The following LRRFIP2 variants were observed in gnomAD, a reference collection of about 807,000 sequenced individuals.
LRRFIP2 encodes the protein LRR binding FLII interacting protein 2, also known as leucine-rich repeat flightless-interacting protein 2.
Under a neutral mutation model 125.9 loss-of-function variants are expected in LRRFIP2, and 109 were observed. The observed-to-expected ratio is 0.87, with a 90% confidence interval of 0.74 to 1.01. The LOEUF (loss-of-function observed/expected upper bound fraction) is 1.01. Among genes scored for constraint, LRRFIP2 ranks in the 50% least tolerant of loss-of-function variants. LRRFIP2 has a pLI of 0.00. For missense variants in LRRFIP2, 850 were observed against 862.3 expected (o/e 0.99, Z 0.18); for synonymous variants, 291 against 293.1 (o/e 0.99, Z 0.07).
intron 7 of LRRFIP2, among the ~76,000 whole-genome samples, chr3:37,113,918 G>C (rs1178836583): frequency 2.0e-5 from 3 of 152,070 alleles, no homozygotes; most frequent in Non-Finnish European, 4.4e-5. Context: ...GGAAATTAAG[G>C]CTAGCAATAC....
Position 37,072,897 on chromosome 3 carries a change from G to A in LRRFIP2, c.1372-15C>T. On this transcript the variant is annotated splice_polypyrimidine_tract_variant and intron_variant, in intron 20 of 27. Transcript: ENST00000336686. ...CGCTGCTTCTCCTGCAGAGGAAGAG[G>A]GGAAGAGAAGTAATAAAAGAGCAGA... The A allele has an allele frequency of 2.6e-6, 4 of 1,538,304 alleles. No individual in the cohort carries two copies. The highest frequency in any genetic ancestry group is 1.1e-5 in the South Asian group (1 of 87,270).
chr3:37,059,777 C>A (rs2087987157), intron 24 of LRRFIP2, among the ~76,000 whole-genome samples: 1 of 144,108 alleles, frequency 6.9e-6, no homozygotes, highest in African/African-American at 2.6e-5. Context: ...CAGAGCGAGA[C>A]TCTGTCTCAA....
At chr3:37,079,863 T>C (rs981694314) in intron 19 of LRRFIP2, among the ~76,000 whole-genome samples, 42 of 152,136 alleles carry the variant, frequency 2.8e-4, no homozygotes, top group Non-Finnish European at 5.4e-4. Flanking sequence ...CATATGAGTC[T>C]AGAATAGGGA....
chr3:37,144,619 C>T (rs1284643176), intron 2 of LRRFIP2, among the ~76,000 whole-genome samples: 1 of 152,152 alleles, frequency 6.6e-6, no homozygotes, highest in African/African-American at 2.4e-5. Flanking sequence ...CGAAAACACA[C>T]TCAAATGACT....
chr3:37,094,929 C>T (rs1164007661), intron 16 of LRRFIP2, 21 bp from the exon 17 acceptor site: 4 of 1,378,924 alleles, frequency 2.9e-6, no homozygotes, highest in Non-Finnish European at 4.1e-6. Flanking sequence ...AAATATGACC[C>T]TTCTAAGTCT....
chr3:37,094,658 T>G, intron 17 of LRRFIP2, 134 bp downstream of exon 17: 1 of 595,484 alleles, frequency 1.7e-6, no homozygotes, highest in Non-Finnish European at 3.0e-6. Flanking sequence ...GAGTCACACT[T>G]TTGTACAGTA....
chr3:37,081,936 A>G (rs2092681583), intron 19 of LRRFIP2, among the ~76,000 whole-genome samples: 1 of 151,704 alleles, frequency 6.6e-6, no homozygotes, highest in African/African-American at 2.4e-5. Context: ...AAACAACTCT[A>G]TGCATACTAA....
chr3:37,153,388 AAAAT>A (rs888336556), intron 1 of LRRFIP2, among the ~76,000 whole-genome samples: 1 of 152,146 alleles, frequency 6.6e-6, no homozygotes, highest in African/African-American at 2.4e-5. Context: ...CCTATCTCAA[AAAAT>A]AAATAAATAA....
intron 20 of LRRFIP2, among the ~76,000 whole-genome samples, chr3:37,074,054 G>C (rs772523533): frequency 6.6e-6 from 1 of 152,130 alleles, no homozygotes; most frequent in Non-Finnish European, 1.5e-5. Flanking sequence ...TTCTGAGTAT[G>C]TTCAATTATT....
chr3:37,117,131 A>G (rs1232485435), intron 6 of LRRFIP2, among the ~76,000 whole-genome samples: 5 of 151,706 alleles, frequency 3.3e-5, no homozygotes, highest in Admixed American at 3.3e-4. Context: ...TGTTTAAAAA[A>G]AAAAAAAAAA....
intron 4 of LRRFIP2, 117 bp from the exon 5 acceptor site, chr3:37,121,808 G>T: frequency 1.1e-6 from 1 of 923,172 alleles, no homozygotes; most frequent in Non-Finnish European, 1.7e-6. Context: ...GAGCAGGCAG[G>T]TTTGGATAAC....
At chr3:37,096,550 T>C in intron 16 of LRRFIP2, 66 bp downstream of exon 16, 1 of 975,864 alleles carries the variant, frequency 1.0e-6, no homozygotes, top group South Asian at 1.4e-5. Flanking sequence ...AAATAAATAA[T>C]GAACAAGTTA....
At chr3:37,153,829 T>C (rs1020201240) in intron 1 of LRRFIP2, among the ~76,000 whole-genome samples, 5 of 152,172 alleles carry the variant, frequency 3.3e-5, no homozygotes, top group Admixed American at 6.5e-5. Flanking sequence ...TAGGTTTTTA[T>C]ATGACTGATT....
At chr3:37,058,715 G>A in intron 25 of LRRFIP2, 75 bp downstream of exon 25, 6 of 1,456,634 alleles carry the variant, frequency 4.1e-6, no homozygotes, top group East Asian at 2.3e-5. Context: ...CAAGATACCA[G>A]CAACCTGCTG....
At chr3:37,076,203 T>C (rs2148936388) in intron 19 of LRRFIP2, among the ~76,000 whole-genome samples, 1 of 152,172 alleles carries the variant, frequency 6.6e-6, no homozygotes, top group Admixed American at 6.5e-5. Flanking sequence ...AATGAGGTAA[T>C]GGTACAATAA....
At chr3:37,159,059 C>T (rs1404138405) in intron 1 of LRRFIP2, among the ~76,000 whole-genome samples, 1 of 152,122 alleles carries the variant, frequency 6.6e-6, no homozygotes, top group East Asian at 1.9e-4. Flanking sequence ...ATCCAAGAAA[C>T]CTACCTCAAG....
intron 21 of LRRFIP2, among the ~76,000 whole-genome samples, chr3:37,070,625 A>G (rs2091019717): frequency 6.6e-6 from 1 of 151,982 alleles, no homozygotes; most frequent in Non-Finnish European, 1.5e-5. Flanking sequence ...AGTCCCAGCT[A>G]CTCAGGAGGC....
chr3:37,081,458 A>G (rs1247256397), intron 19 of LRRFIP2, among the ~76,000 whole-genome samples: 1 of 152,180 alleles, frequency 6.6e-6, no homozygotes, highest in Non-Finnish European at 1.5e-5. Flanking sequence ...TACTTTATAA[A>G]GCAATAGTTG....
chr3:37,124,346 T>C (rs2095190307), intron 4 of LRRFIP2, among the ~76,000 whole-genome samples: 2 of 152,218 alleles, frequency 1.3e-5, no homozygotes, highest in Admixed American at 6.5e-5. Flanking sequence ...TCAAGGCAAA[T>C]TTTAATTATA....
Sources: allele counts gnomAD v4.1 joint callset (sites outside exome capture counted in the v4.1 genomes callset), GRCh38; gene constraint gnomAD v4.1.1; transcripts MANE v1.5; gene names NCBI Gene and HGNC (gene_info 2026-07-23, HGNC 2026-07-21).